Variants in PRH1 observed in about 807,000 individuals in gnomAD.
PRH1 encodes proline rich protein HaeIII subfamily 1.
In PRH1, 7 loss-of-function variants were observed where a neutral mutation model predicts 7.9. The observed-to-expected ratio is 0.89, with a 90% CI of 0.50 to 1.67. The LOEUF is 1.67. Among genes scored for constraint, PRH1 ranks in the 40% most tolerant of loss-of-function variants. The probability of loss-of-function intolerance (pLI) is 0.00; values close to 1 mark genes in which losing one functional copy is unlikely to be tolerated. For missense variants in PRH1, 109 were observed against 223.6 expected, an observed-to-expected ratio of 0.49 and a Z score of 3.27; for synonymous variants, 45 against 80.8, an observed-to-expected ratio of 0.56 and a Z score of 2.38.
intron 1 of PRH1, among the ~76,000 whole-genome samples, chr12:11,102,738 T>C (rs2923235): frequency 0.46 from 69,162 of 151,966 alleles, 16,544 homozygotes; most frequent in Non-Finnish European, 0.53. Flanking sequence ...AAGAAACTAC[T>C]GTCACAGTGA....
At chr12:10,938,950 A>G (rs1317866480) in intron 2 of PRH1, 2 of 1,613,818 alleles carry the variant, frequency 1.2e-6, no homozygotes, top group East Asian at 2.2e-5. Context: ...TCCAGATATT[A>G]GTAAGCATTC....
chr12:10,926,330 C>T (rs141403403), intron 2 of PRH1, among the ~76,000 whole-genome samples: 188 of 152,324 alleles, frequency 1.2e-3, no homozygotes, highest in African/African-American at 3.6e-3. Context: ...GTTCATCTTT[C>T]CTGGCAAACC....
At chr12:11,157,637 C>A (rs1167330666) in intron 1 of PRH1, among the ~76,000 whole-genome samples, 1 of 152,194 alleles carries the variant, frequency 6.6e-6, no homozygotes, top group African/African-American at 2.4e-5. Context: ...TCAAGCAATG[C>A]ATTTTAAGTA....
At chr12:11,133,537 C>CA (rs1328928388) in intron 1 of PRH1, 1,113 of 1,533,376 alleles carry the variant, frequency 7.3e-4, no homozygotes, top group African/African-American at 3.7e-3. Flanking sequence ...TGGCACATAA[C>CA]AGAAGAAAGG....
At chr12:11,091,042 T>C (rs1247301785) in intron 1 of PRH1, among the ~76,000 whole-genome samples, 3 of 97,450 alleles carry the variant, frequency 3.1e-5, no homozygotes, top group South Asian at 2.7e-4. Flanking sequence ...TGGCAGTTTG[T>C]ATGAAAAAAC....
chr12:10,925,120 T>A (rs1950106388), intron 2 of PRH1, among the ~76,000 whole-genome samples: 1 of 152,190 alleles, frequency 6.6e-6, no homozygotes, highest in Non-Finnish European at 1.5e-5. Context: ...CCACTCTGAC[T>A]CCCCTCTCCA....
intron 2 of PRH1, among the ~76,000 whole-genome samples, chr12:10,931,659 G>C (rs1259066688): frequency 6.6e-6 from 1 of 151,968 alleles, no homozygotes; most frequent in African/African-American, 2.4e-5. Context: ...TTTACTGTTT[G>C]GAAACTCCTC....
intron 1 of PRH1, among the ~76,000 whole-genome samples, chr12:10,976,611 C>T (rs1469155485): frequency 1.4e-5 from 2 of 146,460 alleles, no homozygotes; most frequent in East Asian, 2.0e-4. Flanking sequence ...TAAAATCATA[C>T]AAAAGATCAG....
At chr12:11,117,860 T>C (rs575999401), downstream of PRH1, among the ~76,000 whole-genome samples, 2 of 152,236 alleles carry the variant, frequency 1.3e-5, no homozygotes, top group African/African-American at 2.4e-5. Flanking sequence ...CAACTGAATA[T>C]CCATATGCAG....
intron 2 of PRH1, among the ~76,000 whole-genome samples, chr12:10,947,025 G>C (rs771913792): frequency 6.6e-6 from 1 of 152,090 alleles, no homozygotes; most frequent in Non-Finnish European, 1.5e-5. Flanking sequence ...TTTTACATTT[G>C]TTGAGGATTG....
At chr12:10,906,169 T>A (rs1223421429) in intron 2 of PRH1, among the ~76,000 whole-genome samples, 1 of 152,106 alleles carries the variant, frequency 6.6e-6, no homozygotes, top group African/African-American at 2.4e-5. Context: ...TTGAAACAGG[T>A]TACTAAAAAT....
chr12:10,936,859 G>T (rs143125389), intron 2 of PRH1, among the ~76,000 whole-genome samples: 21 of 152,114 alleles, frequency 1.4e-4, no homozygotes, highest in African/African-American at 3.9e-4. Flanking sequence ...ATGGATTTTG[G>T]AGACAAACAA....
intron 1 of PRH1, among the ~76,000 whole-genome samples, chr12:11,023,005 C>T (rs1258196271): frequency 2.6e-5 from 4 of 152,142 alleles, no homozygotes; most frequent in Non-Finnish European, 5.9e-5. Context: ...AAACCCAATA[C>T]ATATATCATA....
chr12:11,131,778 G>GT (rs1264041578), intron 1 of PRH1, among the ~76,000 whole-genome samples: 8 of 152,260 alleles, frequency 5.3e-5, no homozygotes, highest in Non-Finnish European at 1.0e-4. Flanking sequence ...GGATAAGCCT[G>GT]TAATCTTAAC....
intron 2 of PRH1, among the ~76,000 whole-genome samples, chr12:10,959,873 G>A (rs976018392): frequency 6.6e-6 from 1 of 152,094 alleles, no homozygotes; most frequent in Admixed American, 6.6e-5. Flanking sequence ...TGAGACCTTC[G>A]GCAGTGTGAC....
chr12:11,134,028 G>C, intron 1 of PRH1: 2 of 1,614,056 alleles, frequency 1.2e-6, no homozygotes, highest in Non-Finnish European at 1.7e-6. Context: ...TAAAAAGCTG[G>C]ATTCAACTGA....
At chr12:11,109,020 A>AT (rs1334520763) in intron 1 of PRH1, among the ~76,000 whole-genome samples, 1 of 152,098 alleles carries the variant, frequency 6.6e-6, no homozygotes, top group African/African-American at 2.4e-5. Context: ...TGAGTAGGCA[A>AT]TTTTCCCCTT....
chr12:11,040,031 G>A (rs1346624126), intron 1 of PRH1, among the ~76,000 whole-genome samples: 9 of 152,158 alleles, frequency 5.9e-5, no homozygotes, highest in Non-Finnish European at 8.8e-5. Context: ...CTAGAGCCCA[G>A]TTAATACTTA....
At chr12:10,978,742 A>T (rs1939218898) in intron 1 of PRH1, among the ~76,000 whole-genome samples, 2 of 152,100 alleles carry the variant, frequency 1.3e-5, no homozygotes, top group Non-Finnish European at 2.9e-5. Flanking sequence ...AAACACCTCC[A>T]TTTAAAAATG....
Sources: gnomAD v4.1 joint callset for allele counts (sites outside exome capture counted in the v4.1 genomes callset) on GRCh38, gnomAD v4.1.1 for gene constraint, MANE v1.5 for transcripts, NCBI Gene and HGNC (gene_info 2026-07-23, HGNC 2026-07-21) for gene names.